Variants in IPO11 observed in about 807,000 individuals in gnomAD.
IPO11 encodes importin-11.
In IPO11, 66 loss-of-function variants were observed where a neutral mutation model predicts 143.2. The ratio of observed to expected loss-of-function variants is 0.46; its 90% CI spans 0.38 to 0.57. The LOEUF (loss-of-function observed/expected upper bound fraction) is 0.57, where lower values mean the gene tolerates loss of function less well. Among genes scored for constraint, IPO11 ranks in the 20% least tolerant of loss-of-function variants. The pLI is 0.00. For synonymous variants in IPO11, 385 were observed against 377.8 expected (o/e 1.02, Z -0.22); for missense variants, 1,026 against 1,141.0 (o/e 0.90, Z 1.45).
At chr5:62,541,306 G>A (rs190774106) in intron 24 of IPO11, among the ~76,000 whole-genome samples, 55 of 152,076 alleles carry the variant, frequency 3.6e-4, no homozygotes, top group African/African-American at 1.3e-3. Context: ...GGGAGGCAGA[G>A]GTTGTGGTGA....
chr5:62,533,457 C>G (rs1742627139), intron 22 of IPO11, among the ~76,000 whole-genome samples: 1 of 151,990 alleles, frequency 6.6e-6, no homozygotes, highest in Non-Finnish European at 1.5e-5. Context: ...GGTGATCCAC[C>G]CACTTTGGCC....
chr5:62,585,877 GA>G (rs534191181), intron 27 of IPO11, among the ~76,000 whole-genome samples: 130 of 152,314 alleles, frequency 8.5e-4, no homozygotes, highest in African/African-American at 2.9e-3. Context: ...AAGGGTAAAT[GA>G]GAAGGAAGGT....
At position 62,485,549 on chromosome 5, in the gene IPO11, C is replaced by G. The variant is rs977945345; in HGVS notation, c.1218+87C>G. 6.7e-5 allele frequency: 73 copies of G among 1,091,640 alleles called. 1 individual carries two copies. Among genetic ancestry groups the G allele is most frequent in the Admixed American group, 3.7e-4 (19 of 51,604 alleles). The allele number at this position is 1,091,640 out of a possible 1,614,324, so 67.6% of individuals were successfully genotyped here. On this transcript the variant is annotated intron_variant, in intron 12 of 29. Transcript: ENST00000325324. ...AGAGAATGACACTCTATTAAAGATT[C>G]CAGACATTTGCTGGGCATGGTGGCT... is the stretch of plus-strand genomic sequence containing the variant.
rs747672076 is a variant in IPO11, at chr5:62,504,670, C to T, written c.1594C>T (p.Arg532Cys). 10 of 1,461,094 alleles carry T rather than the reference C, an allele frequency of 6.8e-6. No individual in the cohort carries two copies. Among genetic ancestry groups the T allele is most frequent in the African/African-American group, 1.4e-5 (1 of 69,898 alleles). 90.5% of individuals were successfully genotyped at this position (1,461,094 alleles called of 1,614,324 possible). A position where few individuals can be genotyped will look rare whatever the true frequency, so the allele number is the denominator to read the frequency against. ...CTAATGATATACTTTCTTTTAGGTC[C>T]GTATTGAAACAGCTACAACTTTGAA... ...NLLQDQDLVVRIETATTLKLT... is the reference protein window; with the variant it reads ...NLLQDQDLVVCIETATTLKLT... Residue 532 changes from arginine (R) to cysteine (C), a missense_variant, in exon 17 of 30, where the codon CGT becomes TGT. By Grantham distance (180) the Arg-to-Cys change is radical (BLOSUM62 -3). This residue lies in a region of IPO11 where 237 missense variants were observed against 288.0 expected (regional missense o/e 0.82). Transcript: ENST00000325324.
intron 1 of IPO11, among the ~76,000 whole-genome samples, chr5:62,424,388 CG>C (rs1561303947): frequency 6.6e-6 from 1 of 151,834 alleles, no homozygotes. Context: ...ATCCGCCCGC[CG>C]GGGCCTCCCA....
intron 5 of IPO11, among the ~76,000 whole-genome samples, chr5:62,466,292 CAAA>C (rs1410124863): frequency 3.3e-5 from 5 of 152,112 alleles, no homozygotes; most frequent in Non-Finnish European, 7.4e-5. Context: ...CTTAAACTAA[CAAA>C]TGGAAATTTG....
intron 19 of IPO11, among the ~76,000 whole-genome samples, chr5:62,507,756 C>A (rs752387043): frequency 6.6e-6 from 1 of 152,082 alleles, no homozygotes; most frequent in Admixed American, 6.5e-5. Flanking sequence ...TTATCTTTGT[C>A]TCCCCAAACT....
At position 62,505,005 on chromosome 5, in the gene IPO11, A is replaced by G. The variant is rs560410805; in HGVS notation, c.1665+107A>G. ...ATCTATGTGTTACTTATTAAAGTTGAATTTAAAAGTATGCTGTATTGGATT... is the reference window on the plus strand; with the variant it reads ...ATCTATGTGTTACTTATTAAAGTTGGATTTAAAAGTATGCTGTATTGGATT... On this transcript the variant is annotated intron_variant, in intron 18 of 29. Coordinates refer to ENST00000325324, the MANE Select transcript of IPO11 (RefSeq NM_016338.5). 2.2e-5 allele frequency: 13 copies of G among 590,846 alleles called. No individual in the cohort carries two copies. In the African/African-American group the frequency reaches 2.5e-4, roughly 11 times the overall value. 36.6% of individuals were successfully genotyped at this position (590,846 alleles called of 1,614,324 possible).
intron 11 of IPO11, 35 bp downstream of exon 11, chr5:62,484,197 T>A: frequency 6.5e-7 from 1 of 1,529,364 alleles, no homozygotes; most frequent in Non-Finnish European, 8.8e-7. Context: ...GAATGACTTT[T>A]CTCCCCTTTC....
At position 62,515,006 on chromosome 5, in the gene IPO11, T is replaced by C. The variant is rs369916518; in HGVS notation, c.1783-382T>C. On this transcript the variant is annotated intron_variant, in intron 19 of 29. Transcript: ENST00000325324. ...TTCAGGGCCTGAAACTTGGAAGATA[T>C]TTGTAGAATGAATGAATAGATGCTG... 4.0e-3 allele frequency among the ~76,000 whole-genome samples: 608 copies of C among 152,344 alleles called. 2 individuals carry two copies. Among genetic ancestry groups the C allele is most frequent in the African/African-American group, 0.012 (488 of 41,582 alleles).
At chr5:62,481,337 C>T (rs1457948639) in intron 9 of IPO11, among the ~76,000 whole-genome samples, 1 of 152,094 alleles carries the variant, frequency 6.6e-6, no homozygotes, top group Non-Finnish European at 1.5e-5. Context: ...TGTCTTGTGC[C>T]AGTTTTCAAA....
rs1741559023 is a variant in IPO11 at position 62,506,470 on chromosome 5, C to A, written c.1782+113C>A. On this transcript the variant is annotated intron_variant, in intron 19 of 29. Transcript: ENST00000325324. ...AGTTAAAACATTAATTGAAATGCTT[C>A]TAACTTATAGATTGTGGTTTCAGTT... The A allele has an allele frequency of 6.8e-6, 4 of 588,858 alleles. No homozygotes were observed. The South Asian group carries it at 1.0e-4, about 15-fold the overall frequency. 36.5% of individuals were successfully genotyped at this position (588,858 alleles called of 1,614,324 possible).
At chr5:62,623,156 G>A (rs1278996475) in intron 29 of IPO11, among the ~76,000 whole-genome samples, 1 of 152,140 alleles carries the variant, frequency 6.6e-6, no homozygotes, top group East Asian at 1.9e-4. Flanking sequence ...GAAAAGAAGG[G>A]AATTTTTAAA....
intron 28 of IPO11, among the ~76,000 whole-genome samples, chr5:62,593,271 G>A (rs1561378076): frequency 1.3e-5 from 2 of 152,152 alleles, no homozygotes; most frequent in South Asian, 2.1e-4. Flanking sequence ...GTTTTAACTG[G>A]AAGAGGTAAG....
chr5:62,435,218 A>ATGTATATATATGTGTG (rs1561309256), intron 1 of IPO11, among the ~76,000 whole-genome samples: 7 of 141,434 alleles, frequency 4.9e-5, no homozygotes, highest in African/African-American at 1.9e-4. Flanking sequence ...ATGTGTATAT[A>ATGTATATATATGTGTG]TATATATATC....
chr5:62,446,528 T>C (rs1413899029), intron 3 of IPO11, among the ~76,000 whole-genome samples: 5 of 152,238 alleles, frequency 3.3e-5, no homozygotes, highest in East Asian at 1.9e-4. Context: ...GAATGATGAG[T>C]ACTTTTTAAT....
At position 62,600,050 on chromosome 5, in the gene IPO11, G is replaced by A. The variant is rs2112446325; in HGVS notation, c.2679-1714G>A. On this transcript the variant is annotated intron_variant, in intron 28 of 29. Transcript: ENST00000325324. ...ATGTGATAAATCTTCTTTTTTTGGG[G>A]GTGGGGGAGACAGAATCTTGCTCTG... Among the ~76,000 whole-genome samples the A allele has an allele frequency of 1.3e-5, 2 of 152,058 alleles. 1 individual carries two copies. The highest frequency in any genetic ancestry group is 4.2e-4 in the South Asian group (2 of 4,810).
intron 27 of IPO11, chr5:62,578,746 A>G (rs778921299): frequency 3.0e-5 from 14 of 467,928 alleles, no homozygotes; most frequent in Non-Finnish European, 5.3e-5. Context: ...CATTGACTGT[A>G]AAGGAACCAA....
Position 62,627,401 on chromosome 5 carries a change from G to C in IPO11, c.*83G>C. The C allele has an allele frequency of 7.8e-7, 1 of 1,283,550 alleles. No homozygotes were observed. Among genetic ancestry groups the C allele is most frequent in the Non-Finnish European group, 1.1e-6 (1 of 932,404 alleles). The allele number at this position is 1,283,550 out of a possible 1,614,324, so 79.5% of individuals were successfully genotyped here. ...CCGTTTGTATGTGAGAGCCTGCTGA[G>C]ATGAAGAAATCACTTCATGAAAATA... On this transcript the variant is annotated 3_prime_UTR_variant, in exon 30 of 30. Coordinates refer to ENST00000325324, the MANE Select transcript of IPO11 (RefSeq NM_016338.5).
Sources: allele counts gnomAD v4.1 joint callset (sites outside exome capture counted in the v4.1 genomes callset), GRCh38; gene constraint gnomAD v4.1.1; regional missense constraint gnomAD v4.1.1; transcripts MANE v1.5; gene names NCBI Gene and HGNC (gene_info 2026-07-23, HGNC 2026-07-21).